The following TNXB variants were observed in gnomAD, a reference collection of about 807,000 sequenced individuals.
TNXB encodes tenascin XB, also known as tenascin-X.
TNXB carries 183 observed loss-of-function variants against 340.5 expected under a neutral mutation model. The ratio of observed to expected loss-of-function variants is 0.54; its 90% CI spans 0.48 to 0.61. TNXB has a LOEUF of 0.61. TNXB is among the 20% of genes least tolerant of loss of function. The probability of loss-of-function intolerance (pLI) is 0.00; values close to 1 mark genes in which losing one functional copy is unlikely to be tolerated. For synonymous variants in TNXB, 2,121 were observed against 2,314.5 expected (o/e 0.92, Z 2.40); for missense variants, 4,613 against 5,446.4 (o/e 0.85, Z 4.82).
Position 32,072,097 on chromosome 6 carries a change from C to CG in TNXB, c.4882dup (p.Arg1628ProfsTer7), listed in dbSNP as rs746108942. On this transcript the variant is annotated frameshift_variant, in exon 13 of 44. Coordinates refer to ENST00000644971, the MANE Select transcript of TNXB (RefSeq NM_001365276.2). LOFTEE classifies it high-confidence loss of function. This position sits in a 1 kb window ranked among gnomAD's most constrained non-coding sequence, Gnocchi z 4.4. The stretch of plus-strand genomic sequence containing the variant: ...TTCCAGGTCAGGGATAGTGACCTCC[C>CG]GCTGATCTGCAGCCACGGGCACCAC... 6.2e-7 allele frequency: 1 copy of CG among 1,613,020 alleles called. No homozygotes were observed. The highest frequency in any genetic ancestry group is 8.5e-7 in the Non-Finnish European group (1 of 1,179,502).
In TNXB at chr6:32,108,057, G is replaced by A. The variant is rs1392773636; in HGVS notation, c.-9+1124C>T. On this transcript the variant is annotated intron_variant, in intron 1 of 43. Transcript: ENST00000644971. The surrounding 1 kb of genome is among the most constrained non-coding windows in gnomAD (Gnocchi z 4.8). ...CTGAAAATGGTTAGGGGTGCAATGA[G>A]AGACAGGAAGGCAGTTTCTGGTCCT... Among the ~76,000 whole-genome samples, 1 of 152,190 alleles carries A rather than the reference G, an allele frequency of 6.6e-6. No individual in the cohort carries two copies. The highest frequency in any genetic ancestry group is 2.4e-5 in the African/African-American group (1 of 41,444).
Position 32,087,494 on chromosome 6 carries a change from C to A in TNXB, c.2779+1291G>T. ...AGAAGCGCGCCATCGGCGGAACTGC[C>A]CAGCACCTCTGGCTTGGGGTGGCGG... On this transcript the variant is annotated intron_variant, in intron 6 of 43. Coordinates refer to ENST00000644971, the MANE Select transcript of TNXB (RefSeq NM_001365276.2). This position sits in a 1 kb window ranked among gnomAD's most constrained non-coding sequence, Gnocchi z 9.0. 2.0e-6 allele frequency: 1 copy of A among 489,466 alleles called. No individual in the cohort carries two copies. Among genetic ancestry groups the A allele is most frequent in the Non-Finnish European group, 4.1e-6 (1 of 246,760 alleles). The allele number at this position is 489,466 out of a possible 1,614,324, so 30.3% of individuals were successfully genotyped here. A position where few individuals can be genotyped will look rare whatever the true frequency, so the allele number is the denominator to read the frequency against.
rs976696329 is a variant in TNXB at position 32,070,123 on chromosome 6, T to C, written c.5278+4A>G. The C allele has an allele frequency of 1.3e-6, 2 of 1,553,990 alleles. No individual in the cohort carries two copies. The highest frequency in any genetic ancestry group is 8.7e-7 in the Non-Finnish European group (1 of 1,147,040). On this transcript the variant is annotated splice_donor_region_variant and intron_variant, in intron 14 of 43. Transcript: ENST00000644971. The surrounding 1 kb of genome is among the most constrained non-coding windows in gnomAD (Gnocchi z 6.0). ...AGCAGGGACCTGCAGGGAATGCCCC[T>C]CACCCGTGGTGCCGTCGGCAGTGAG...
Position 32,051,587 on chromosome 6 carries a change from G to A in TNXB, c.9115+1083C>T, listed in dbSNP as rs1393398849. ...AAAGTGTGGTCTGTATGTGTAAAACGAAACATTATTCAGCCTGAAAAGGAA... is the reference window on the plus strand; with the variant it reads ...AAAGTGTGGTCTGTATGTGTAAAACAAAACATTATTCAGCCTGAAAAGGAA... On this transcript the variant is annotated intron_variant, in intron 26 of 43. Transcript: ENST00000644971. This position sits in a 1 kb window ranked among gnomAD's most constrained non-coding sequence, Gnocchi z 4.7. Among the ~76,000 whole-genome samples, 3 of 152,058 alleles carry A rather than the reference G, an allele frequency of 2.0e-5. No homozygotes were observed. The highest frequency in any genetic ancestry group is 2.9e-5 in the Non-Finnish European group (2 of 68,000).
chr6:32,041,665 C>T, intron 43 of TNXB, 106 bp downstream of exon 43: 1 of 1,169,278 alleles, frequency 8.6e-7, no homozygotes, highest in Non-Finnish European at 1.3e-6. Flanking sequence ...ATGATTGTTC[C>T]ATTTCACCCA....
chr6:32,069,956 T>A lies in TNXB; in HGVS notation c.5279-95A>T. 7.1e-7 allele frequency: 1 copy of A among 1,400,556 alleles called. No homozygotes were observed. Among genetic ancestry groups the A allele is most frequent in the Non-Finnish European group, 9.5e-7 (1 of 1,052,298 alleles). 86.8% of individuals were successfully genotyped at this position (1,400,556 alleles called of 1,614,324 possible). A position where few individuals can be genotyped will look rare whatever the true frequency, so the allele number is the denominator to read the frequency against. On this transcript the variant is annotated intron_variant, in intron 14 of 43. Transcript: ENST00000644971. The surrounding 1 kb of genome is among the most constrained non-coding windows in gnomAD (Gnocchi z 6.2). ...ATTGAGAGGTCTGGAGACAGGGCTT[T>A]GCGTGGCTGAGTCCTGCCGGGCTGT...
chr6:32,070,326 G>A lies in TNXB; in HGVS notation c.5079C>T (p.Ser1693=). 1 of 1,611,688 alleles carries A rather than the reference G, an allele frequency of 6.2e-7. No individual in the cohort carries two copies. Among genetic ancestry groups the A allele is most frequent in the South Asian group, 1.1e-5 (1 of 90,660 alleles). Residue 1693 remains serine, a synonymous_variant, in exon 14 of 44, where the codon TCC becomes TCT. Coordinates refer to ENST00000644971, the MANE Select transcript of TNXB (RefSeq NM_001365276.2). This position sits in a 1 kb window ranked among gnomAD's most constrained non-coding sequence, Gnocchi z 6.0. The stretch of plus-strand genomic sequence containing the variant: ...CGAACTGGCCCTCAGGAACCGTCCA[G>A]GAGAGGCGCAGTGAGTCTGGGGTGG... The part of the protein sequence containing the change: ...TDPTPDSLRL[S]WTVPEGQFDS...
chr6:32,056,226 G>C, intron 23 of TNXB, 52 bp from the exon 24 acceptor site: 1 of 1,567,486 alleles, frequency 6.4e-7, no homozygotes, highest in Middle Eastern at 1.7e-4. Context: ...GATGTGCTCA[G>C]GTCTTCAAGG....
rs757045718 is a variant in TNXB, at chr6:32,048,467, G to A, written c.9941C>T (p.Ala3314Val). The change falls in exon 29 of 44, where the codon GCG (alanine) becomes GTG (valine). Residue 3314 changes from alanine (A) to valine (V), a missense_variant. Transcript: ENST00000644971. Reference protein sequence around the residue: ...QAVPVSGDLRAVAVSGLDPAR... With the variant: ...QAVPVSGDLRVVAVSGLDPAR... ...CGGGTCCAGCCCCGAGACGGCGACC[G>A]CTCGGAGGTCTCCGCTCACAGGCAC... is the stretch of plus-strand genomic sequence containing the variant. 2.5e-6 allele frequency: 4 copies of A among 1,597,008 alleles called. No homozygotes were observed. The highest frequency in any genetic ancestry group is 3.4e-5 in the Admixed American group (2 of 59,446).
rs1776860638 is a variant in TNXB at position 32,046,218 on chromosome 6, A to G, written c.10563T>C (p.Leu3521=). The stretch of plus-strand genomic sequence containing the variant: ...AGACCGGGCCCAGGCGCTTTCCCCC[A>G]AGGAGCCCGTAGAGCAGAAACTTGT... The part of the protein sequence containing the change: ...KKYKFLLYGL[L]GGKRLGPVSA... Residue 3521 remains leucine, a synonymous_variant, in exon 31 of 44, where the codon CTT becomes CTC. Transcript: ENST00000644971. The surrounding 1 kb of genome is among the most constrained non-coding windows in gnomAD (Gnocchi z 6.9). 2 of 1,598,464 alleles carry G rather than the reference A, an allele frequency of 1.3e-6. No individual in the cohort carries two copies. The highest frequency in any genetic ancestry group is 1.1e-5 in the South Asian group (1 of 89,288).
rs1777847894 is a variant in TNXB, at chr6:32,058,935, T to C, written c.7493-545A>G. On this transcript the variant is annotated intron_variant, in intron 21 of 43. Transcript: ENST00000644971. The surrounding 1 kb of genome is among the most constrained non-coding windows in gnomAD (Gnocchi z 5.1). ...ACAAAAAAGGAAGTGCCAAGAACTT[T>C]ATGAACACTGATTGCAACTTTAAAA... Among the ~76,000 whole-genome samples, 1 of 151,950 alleles carries C rather than the reference T, an allele frequency of 6.6e-6. No homozygotes were observed. Among genetic ancestry groups the C allele is most frequent in the African/African-American group, 2.4e-5 (1 of 41,204 alleles).
In TNXB at chr6:32,070,519, C is replaced by T. The variant is rs1035681518; in HGVS notation, c.4991-105G>A. 2.4e-6 allele frequency: 3 copies of T among 1,246,910 alleles called. No individual in the cohort carries two copies. In the Admixed American group the frequency reaches 8.5e-5, roughly 35 times the overall value. 77.2% of individuals were successfully genotyped at this position (1,246,910 alleles called of 1,614,324 possible). On this transcript the variant is annotated intron_variant, in intron 13 of 43. Transcript: ENST00000644971. The surrounding 1 kb of genome is among the most constrained non-coding windows in gnomAD (Gnocchi z 6.0). ...AACTGCCCAAATGCTCAGTGCTTCCCCAAAATATTTCCATCACCTCCCATC... is the reference window on the plus strand; with the variant it reads ...AACTGCCCAAATGCTCAGTGCTTCCTCAAAATATTTCCATCACCTCCCATC...
rs1375945990 is a variant in TNXB at position 32,089,449 on chromosome 6, C to G, written c.2359-70G>C. ...CTCTGCTGCTCAATCCCCCTTATCTCTTCTTTCTCCAATTCTAAACAGTGT... is the reference window on the plus strand; with the variant it reads ...CTCTGCTGCTCAATCCCCCTTATCTGTTCTTTCTCCAATTCTAAACAGTGT... On this transcript the variant is annotated intron_variant, in intron 4 of 43. Transcript: ENST00000644971. This position sits in a 1 kb window ranked among gnomAD's most constrained non-coding sequence, Gnocchi z 6.2. 6.6e-7 allele frequency: 1 copy of G among 1,522,246 alleles called. No homozygotes were observed. Among genetic ancestry groups the G allele is most frequent in the Non-Finnish European group, 8.8e-7 (1 of 1,132,468 alleles). The allele number at this position is 1,522,246 out of a possible 1,614,324, so 94.3% of individuals were successfully genotyped here. A position where few individuals can be genotyped will look rare whatever the true frequency, so the allele number is the denominator to read the frequency against.
Position 32,095,606 on chromosome 6 carries a change from C to G in TNXB, c.2242+5G>C, listed in dbSNP as rs748566137. The G allele has an allele frequency of 6.2e-7, 1 of 1,606,838 alleles. No individual in the cohort carries two copies. The highest frequency in any genetic ancestry group is 1.1e-5 in the South Asian group (1 of 90,586). On this transcript the variant is annotated splice_donor_5th_base_variant and intron_variant, in intron 3 of 43. Coordinates refer to ENST00000644971, the MANE Select transcript of TNXB (RefSeq NM_001365276.2). ...AGAGTACACTGGGGAAGGCTGCCTGCTCACCTTCTCCGCAGTCTTCGCCAG... is the reference window on the plus strand; with the variant it reads ...AGAGTACACTGGGGAAGGCTGCCTGGTCACCTTCTCCGCAGTCTTCGCCAG...
rs992759457 is a variant in TNXB at position 32,085,694 on chromosome 6, A to T, written c.3148+56T>A. On this transcript the variant is annotated intron_variant, in intron 7 of 43. Transcript: ENST00000644971. This position sits in a 1 kb window ranked among gnomAD's most constrained non-coding sequence, Gnocchi z 6.4. Reference sequence around the variant, plus strand: ...CCATCCTACCTCTGAAGTCCCAATAACCCCAGCTCCTCCCCCAATCTCAGG... The same window carrying T: ...CCATCCTACCTCTGAAGTCCCAATATCCCCAGCTCCTCCCCCAATCTCAGG... The T allele has an allele frequency of 3.4e-6, 5 of 1,473,476 alleles. No individual in the cohort carries two copies. Among genetic ancestry groups the T allele is most frequent in the Admixed American group, 2.3e-5 (1 of 43,022 alleles). The allele number at this position is 1,473,476 out of a possible 1,614,324, so 91.3% of individuals were successfully genotyped here.
At chr6:32,048,237 T>A (rs1777024859) in intron 29 of TNXB, 126 bp downstream of exon 29, 2 of 1,173,260 alleles carry the variant, frequency 1.7e-6, no homozygotes, top group Non-Finnish European at 2.3e-6. Flanking sequence ...AGGGCCTGGG[T>A]TTTCCTGGAC....
rs543594529 is a variant in TNXB, at chr6:32,064,728, C to T, written c.6841+93G>A. On this transcript the variant is annotated intron_variant, in intron 19 of 43. Transcript: ENST00000644971. This position sits in a 1 kb window ranked among gnomAD's most constrained non-coding sequence, Gnocchi z 5.3. ...CCCAGGAGCTTGGGAGGCTTGGTCT[C>T]AGGGAAAGTAAAATAAAGCCACCAG... 9.3e-6 allele frequency: 14 copies of T among 1,499,152 alleles called. No homozygotes were observed. Among genetic ancestry groups the T allele is most frequent in the Non-Finnish European group, 1.2e-5 (14 of 1,124,658 alleles). The allele number at this position is 1,499,152 out of a possible 1,614,324, so 92.9% of individuals were successfully genotyped here. A position where few individuals can be genotyped will look rare whatever the true frequency, so the allele number is the denominator to read the frequency against.
Position 32,056,850 on chromosome 6 carries a change from T to TGG in TNXB, c.7877_7878dup (p.Ile2627ProfsTer9). On this transcript the variant is annotated frameshift_variant, in exon 23 of 44. Coordinates refer to ENST00000644971, the MANE Select transcript of TNXB (RefSeq NM_001365276.2). LOFTEE classifies it high-confidence loss of function. The stretch of plus-strand genomic sequence containing the variant: ...GTCAGCTCCCCCAGGCGAGGCTTGA[T>TGG]GGGGGGCTCAGGGGTCATGGTAGGC... 1 of 1,612,734 alleles carries TGG rather than the reference T, an allele frequency of 6.2e-7. No homozygotes were observed. Among genetic ancestry groups the TGG allele is most frequent in the Non-Finnish European group, 8.5e-7 (1 of 1,179,766 alleles).
chr6:32,050,186 T>G lies in TNXB; in HGVS notation c.9251A>C (p.Glu3084Ala). 6.2e-7 allele frequency: 1 copy of G among 1,613,776 alleles called. No homozygotes were observed. Among genetic ancestry groups the G allele is most frequent in the Non-Finnish European group, 8.5e-7 (1 of 1,179,874 alleles). ...GACCAGGAAGTGGTCAAACTGGCCC[T>G]CGGGAACCATCCAGGACAGGCTGAG... ...DSLSLSWMVPEGQFDHFLVQY... is the reference protein window; with the variant it reads ...DSLSLSWMVPAGQFDHFLVQY... Residue 3084 changes from glutamate (E) to alanine (A), a missense_variant, in exon 27 of 44, where the codon GAG (glutamate) becomes GCG (alanine). Coordinates refer to ENST00000644971, the MANE Select transcript of TNXB (RefSeq NM_001365276.2).
Sources: allele counts gnomAD v4.1 joint callset (sites outside exome capture counted in the v4.1 genomes callset), GRCh38; gene constraint gnomAD v4.1.1; non-coding constraint Gnocchi (gnomAD v3.1); transcripts MANE v1.5; gene names NCBI Gene and HGNC (gene_info 2026-07-23, HGNC 2026-07-21).